Variants in SYN1 observed in about 807,000 individuals in gnomAD.
The protein encoded by SYN1 is synapsin-1.
SYN1 carries 8 observed loss-of-function variants against 44.6 expected under a neutral mutation model. That is an observed-to-expected ratio of 0.18 (90% CI 0.11 to 0.32). The LOEUF is 0.32. Ranked by LOEUF, SYN1 falls within the 10% of genes least tolerant of loss-of-function variation. The probability of loss-of-function intolerance (pLI) is 1.00; values close to 1 mark genes in which losing one functional copy is unlikely to be tolerated. For synonymous variants in SYN1, 275 were observed against 280.1 expected (o/e 0.98, Z 0.18); for missense variants, 451 against 639.4 (o/e 0.71, Z 3.18).
rs192662115 is a variant in SYN1, at chrX:47,608,507, G to C, written c.378-1309C>G. On this transcript the variant is annotated intron_variant, in intron 1 of 12. Coordinates refer to ENST00000295987, the MANE Select transcript of SYN1 (RefSeq NM_006950.3). Reference sequence around the variant, plus strand: ...TGCTGTGAGAAACACAATGGCCATAGGTGGGCAGCTGCATCCGATAAGGAG... The same window carrying C: ...TGCTGTGAGAAACACAATGGCCATACGTGGGCAGCTGCATCCGATAAGGAG... Among the ~76,000 whole-genome samples the C allele has an allele frequency of 6.9e-3, 772 of 111,464 alleles. 8 individuals are homozygous for C. The highest frequency in any genetic ancestry group is 0.024 in the African/African-American group (734 of 30,650).
At position 47,576,421 on chromosome X, in the gene SYN1, G is replaced by A. The variant is rs751719173; in HGVS notation, c.981-15C>T. ...CTGACGTCCTCCTGGGGGACAAGGGGACAGAAGCTCAGGGGTGCCTCAGCT... is the reference window on the plus strand; with the variant it reads ...CTGACGTCCTCCTGGGGGACAAGGGAACAGAAGCTCAGGGGTGCCTCAGCT... On this transcript the variant is annotated splice_polypyrimidine_tract_variant and intron_variant, in intron 7 of 12. Coordinates refer to ENST00000295987, the MANE Select transcript of SYN1 (RefSeq NM_006950.3). 1 of 1,210,541 alleles carries A rather than the reference G, an allele frequency of 8.3e-7. No individual in the cohort carries two copies. Among genetic ancestry groups the A allele is most frequent in the African/African-American group, 1.7e-5 (1 of 57,347 alleles).
chrX:47,579,849 G>GCCCCCCCCCC (rs140381513), intron 5 of SYN1, among the ~76,000 whole-genome samples: 27 of 83,153 alleles, frequency 3.2e-4, no homozygotes, highest in South Asian at 7.3e-4. Context: ...TGTTTTTGTC[G>GCCCCCCCCCC]CCCCCCCACC....
chrX:47,616,065 TCA>T (rs745420423), intron 1 of SYN1, among the ~76,000 whole-genome samples: 17 of 111,260 alleles, frequency 1.5e-4, no homozygotes, highest in Non-Finnish European at 3.8e-5. Flanking sequence ...GTACATTCCA[TCA>T]CAGAGTTTGC....
intron 5 of SYN1, among the ~76,000 whole-genome samples, chrX:47,578,948 G>A (rs2057786818): frequency 8.9e-6 from 1 of 111,975 alleles, no homozygotes; most frequent in African/African-American, 3.3e-5. Context: ...GTTGGGACGG[G>A]GGTTTGGGGC....
intron 7 of SYN1, 44 bp from the exon 8 acceptor site, chrX:47,576,450 T>C (rs1278229538): frequency 1.7e-6 from 2 of 1,212,000 alleles, no homozygotes; most frequent in Admixed American, 4.3e-5. Flanking sequence ...CTCAGCTGCA[T>C]GAGGCAAGGC....
At chrX:47,614,171 C>A (rs1334348505) in intron 1 of SYN1, among the ~76,000 whole-genome samples, 1 of 111,914 alleles carries the variant, frequency 8.9e-6, no homozygotes, top group African/African-American at 3.3e-5. Flanking sequence ...GGGACGTGAC[C>A]AACCTTGCTC....
chrX:47,605,461 C>T, intron 3 of SYN1, 82 bp from the exon 4 acceptor site: 1 of 1,108,669 alleles, frequency 9.0e-7, no homozygotes, highest in Non-Finnish European at 1.2e-6. Context: ...GTTTTTAAAT[C>T]TCCATAGCTC....
chrX:47,601,743 C>T (rs191220256), intron 5 of SYN1, among the ~76,000 whole-genome samples: 161 of 112,165 alleles, frequency 1.4e-3, no homozygotes, highest in Admixed American at 2.6e-3. Flanking sequence ...ATGTCTCTTA[C>T]GAATATAGAT....
chrX:47,578,878 C>G (rs756780905), intron 5 of SYN1, among the ~76,000 whole-genome samples: 3 of 111,354 alleles, frequency 2.7e-5, no homozygotes, highest in Non-Finnish European at 5.7e-5. Context: ...CTCTGCACAC[C>G]CCCCCTTCCT....
intron 5 of SYN1, among the ~76,000 whole-genome samples, chrX:47,593,909 C>T (rs1166078459): frequency 8.9e-6 from 1 of 111,999 alleles, no homozygotes; most frequent in African/African-American, 3.2e-5. Flanking sequence ...TAGAACCACG[C>T]TAACGTCTTA....
chrX:47,594,235 C>CAA (rs763500888), intron 5 of SYN1, among the ~76,000 whole-genome samples: 11 of 82,717 alleles, frequency 1.3e-4, no homozygotes, highest in Non-Finnish European at 1.4e-4. Context: ...GACTCTATCT[C>CAA]AAAAAAAAAA....
At chrX:47,573,025 G>A (rs1286600476) in intron 12 of SYN1, 26 bp from the exon 13 acceptor site, 3 of 1,209,155 alleles carry the variant, frequency 2.5e-6, no homozygotes, top group Non-Finnish European at 3.4e-6. Flanking sequence ...GTGGAGGCGT[G>A]GGAGGAAGGG....
At chrX:47,594,466 A>C (rs750182946) in intron 5 of SYN1, among the ~76,000 whole-genome samples, 1 of 106,850 alleles carries the variant, frequency 9.4e-6, no homozygotes, top group South Asian at 4.3e-4. Flanking sequence ...CCCGGGAGGC[A>C]GAGGCTGCAG....
chrX:47,594,804 C>T (rs747148315), intron 5 of SYN1, among the ~76,000 whole-genome samples: 2 of 108,793 alleles, frequency 1.8e-5, no homozygotes, highest in African/African-American at 6.7e-5. Context: ...CTCAGCTCAC[C>T]GCAACCTCCG....
Position 47,572,816 on chromosome X carries a change from G to T in SYN1, c.*48C>A, listed in dbSNP as rs188553502. The T allele has an allele frequency of 5.3e-3, 6,393 of 1,206,552 alleles. 14 individuals carry two copies. Among genetic ancestry groups the T allele is most frequent in the Non-Finnish European group, 6.6e-3 (5,866 of 892,708 alleles). Reference sequence around the variant, plus strand: ...TCCAAAAGTGAGAAATGGATTCAGGGCCCAGAGAAGGGTTGCCCAGGGATT... The same window carrying T: ...TCCAAAAGTGAGAAATGGATTCAGGTCCCAGAGAAGGGTTGCCCAGGGATT... On this transcript the variant is annotated 3_prime_UTR_variant, in exon 13 of 13. Transcript: ENST00000295987.
At position 47,576,187 on chromosome X, in the gene SYN1, C is replaced by G. The variant is rs2057777046; in HGVS notation, c.1102G>C (p.Asp368His). 8.3e-7 allele frequency: 1 copy of G among 1,202,774 alleles called. No individual in the cohort carries two copies. The highest frequency in any genetic ancestry group is 1.8e-5 in the African/African-American group (1 of 57,033). ...DTCSEIFGGL[D>H]ICAVEALHGK... The stretch of plus-strand genomic sequence containing the variant: ...TGTAGCGCTTCCACTGCGCAGATGT[C>G]CAGTCCCCCAAAAATCTCTGAGCAC... Residue 368 changes from aspartate to histidine, a missense_variant, in exon 9 of 13, where the codon GAC becomes CAC. Around this residue, in one of 3 missense-constraint regions of SYN1, gnomAD observed 315 missense variants for 451.4 expected, o/e 0.70. Coordinates refer to ENST00000295987, the MANE Select transcript of SYN1 (RefSeq NM_006950.3).
intron 1 of SYN1, among the ~76,000 whole-genome samples, chrX:47,618,470 T>A (rs561871820): frequency 4.5e-4 from 50 of 111,827 alleles, no homozygotes; most frequent in Middle Eastern, 4.6e-3. Flanking sequence ...GTTTTCTAGA[T>A]CCACTGTAGG....
At position 47,619,540 on chromosome X, in the gene SYN1, C is replaced by A. The variant is rs371739376; in HGVS notation, c.189G>T (p.Pro63=). Residue 63 remains proline (P), a synonymous_variant, in exon 1 of 13, where the codon CCG becomes CCT. Transcript: ENST00000295987. ...RSSGVAPAAS[P]AAPSPGSSGG... ...CCGAGGACCCGGGGCTAGGGGCGGCCGGAGAGGCCGCTGGGGCGACCCCGG... is the reference window on the plus strand; with the variant it reads ...CCGAGGACCCGGGGCTAGGGGCGGCAGGAGAGGCCGCTGGGGCGACCCCGG... 62 of 1,188,162 alleles carry A rather than the reference C, an allele frequency of 5.2e-5. No individual in the cohort carries two copies. Among genetic ancestry groups the A allele is most frequent in the South Asian group, 4.4e-4 (24 of 54,875 alleles).
chrX:47,575,852 A>T (rs1376360566), intron 9 of SYN1, among the ~76,000 whole-genome samples: 1 of 111,894 alleles, frequency 8.9e-6, no homozygotes. Context: ...GAATACTTTA[A>T]AGGTTACTAA....
Sources: allele counts gnomAD v4.1 joint callset (sites outside exome capture counted in the v4.1 genomes callset), GRCh38; gene constraint gnomAD v4.1.1; regional missense constraint gnomAD v4.1.1; transcripts MANE v1.5; gene names NCBI Gene and HGNC (gene_info 2026-07-23, HGNC 2026-07-21).